Variants in INHBC observed in about 807,000 individuals in gnomAD.
INHBC encodes the protein inhibin beta C chain.
Under a neutral mutation model 12.4 loss-of-function variants are expected in INHBC, and 10 were observed. That is an observed-to-expected ratio of 0.81 (90% CI 0.50 to 1.37). The LOEUF is 1.37. Ranked by LOEUF, INHBC falls within the 40% of genes most tolerant of loss-of-function variation. The pLI is 0.00. For synonymous variants in INHBC, 147 were observed against 171.6 expected (o/e 0.86, Z 1.12); for missense variants, 382 against 439.4 (o/e 0.87, Z 1.17).
chr12:57,436,027 A>G (rs926116160), intron 1 of INHBC, among the ~76,000 whole-genome samples: 2 of 152,034 alleles, frequency 1.3e-5, no homozygotes, highest in African/African-American at 4.8e-5. Flanking sequence ...TTGTATTTTT[A>G]GTAGAGACTG....
chr12:57,449,314 C>G lies in INHBC; in HGVS notation c.351C>G (p.His117Gln). Residue 117 changes from histidine to glutamine, a missense_variant, in exon 2 of 2, where the codon CAC (histidine) becomes CAG (glutamine). Coordinates refer to ENST00000309668, the MANE Select transcript of INHBC (RefSeq NM_005538.4). ...TCAACCAGACTCGTCTTGATTTTCA[C>G]TTCTCCTCTGATAGAACTGCTGGTG... is the stretch of plus-strand genomic sequence containing the variant. ...STINQTRLDFHFSSDRTAGDR... is the reference protein window; with the variant it reads ...STINQTRLDFQFSSDRTAGDR... 6.2e-7 allele frequency: 1 copy of G among 1,614,154 alleles called. No homozygotes were observed. The highest frequency in any genetic ancestry group is 8.5e-7 in the Non-Finnish European group (1 of 1,179,986).
intron 1 of INHBC, among the ~76,000 whole-genome samples, chr12:57,447,525 C>T (rs1870604653): frequency 6.6e-6 from 1 of 151,026 alleles, no homozygotes; most frequent in Non-Finnish European, 1.5e-5. Flanking sequence ...AGTGGCACCA[C>T]CAAGAATGAA....
intron 1 of INHBC, among the ~76,000 whole-genome samples, chr12:57,442,196 G>A (rs1041129612): frequency 2.0e-5 from 3 of 152,212 alleles, no homozygotes; most frequent in Admixed American, 1.3e-4. Flanking sequence ...TGGCTTCCAA[G>A]AGTGGAATGC....
intron 1 of INHBC, among the ~76,000 whole-genome samples, chr12:57,439,068 A>C (rs1301098818): frequency 6.6e-6 from 1 of 152,192 alleles, no homozygotes; most frequent in Non-Finnish European, 1.5e-5. Flanking sequence ...GTCTTATAGA[A>C]ATTGACAAAG....
intron 1 of INHBC, among the ~76,000 whole-genome samples, chr12:57,446,587 A>G (rs533939434): frequency 6.6e-4 from 101 of 151,916 alleles, no homozygotes; most frequent in African/African-American, 2.4e-3. Context: ...TTGATCTCCC[A>G]GGGTCAAGCA....
At chr12:57,440,362 C>G (rs1870438294) in intron 1 of INHBC, among the ~76,000 whole-genome samples, 1 of 112,338 alleles carries the variant, frequency 8.9e-6, no homozygotes, top group African/African-American at 3.4e-5. Context: ...GAGACGGAGT[C>G]TTGCTATGTC....
Position 57,450,917 on chromosome 12 carries a change from C to T in INHBC, c.*895C>T, listed in dbSNP as rs1404753529. 1 of 152,248 alleles carries T rather than the reference C, an allele frequency of 6.6e-6. No individual in the cohort carries two copies. Among genetic ancestry groups the T allele is most frequent in the East Asian group, 1.9e-4 (1 of 5,206 alleles). The allele number at this position is 152,248 out of a possible 1,614,324, so 9.4% of individuals were successfully genotyped here. ...TCTCATACTGGTTCCCTTAACTCTG[C>T]CTATACCTCTGTAAATAATTCCTTC... is the stretch of plus-strand genomic sequence containing the variant. On this transcript the variant is annotated 3_prime_UTR_variant, in exon 2 of 2. Coordinates refer to ENST00000309668, the MANE Select transcript of INHBC (RefSeq NM_005538.4).
In INHBC at chr12:57,450,004, G is replaced by T; in HGVS notation, c.1041G>T (p.Glu347Asp). 1 of 1,521,614 alleles carries T rather than the reference G, an allele frequency of 6.6e-7. No homozygotes were observed. 94.3% of individuals were successfully genotyped at this position (1,521,614 alleles called of 1,614,324 possible). ...CTGACATACCTGACATGGTAGTAGA[G>T]GCCTGTGGGTGCAGTTAGTCTATGT... ...VKTDIPDMVV[E>D]ACGCS Residue 347 changes from glutamate to aspartate, a missense_variant, in exon 2 of 2, where the codon GAG (glutamate) becomes GAT (aspartate). Transcript: ENST00000309668.
In INHBC at chr12:57,450,154, G is replaced by A. The variant is rs748483434; in HGVS notation, c.*132G>A. On this transcript the variant is annotated 3_prime_UTR_variant, in exon 2 of 2. Coordinates refer to ENST00000309668, the MANE Select transcript of INHBC (RefSeq NM_005538.4). ...ACTCCCTCTTCCTGAGCATCTTATG[G>A]AAATTACCCCACCTTTGACTTGAAG... The A allele has an allele frequency of 9.1e-6, 9 of 986,446 alleles. No individual in the cohort carries two copies. The African/African-American group carries it at 9.8e-5, about 11-fold the overall frequency. The allele number at this position is 986,446 out of a possible 1,614,324, so 61.1% of individuals were successfully genotyped here.
intron 1 of INHBC, among the ~76,000 whole-genome samples, chr12:57,445,258 T>G (rs1870549283): frequency 1.3e-5 from 2 of 152,232 alleles, no homozygotes; most frequent in Non-Finnish European, 2.9e-5. Flanking sequence ...GGGAAGACTT[T>G]GAAGTGTTTT....
intron 1 of INHBC, 66 bp downstream of exon 1, chr12:57,435,265 C>T: frequency 7.1e-7 from 1 of 1,418,354 alleles, no homozygotes; most frequent in Middle Eastern, 1.8e-4. Context: ...AGTTTCCTCG[C>T]CAGACTTACC....
At chr12:57,445,243 G>A (rs1870549037) in intron 1 of INHBC, among the ~76,000 whole-genome samples, 1 of 152,216 alleles carries the variant, frequency 6.6e-6, no homozygotes, top group Non-Finnish European at 1.5e-5. Flanking sequence ...TATCCAAAGA[G>A]CAAGGGGAAG....
Position 57,449,678 on chromosome 12 carries a change from G to T in INHBC, c.715G>T (p.Asp239Tyr). The T allele has an allele frequency of 3.1e-6, 5 of 1,614,226 alleles. No individual in the cohort carries two copies. The highest frequency in any genetic ancestry group is 4.2e-6 in the Non-Finnish European group (5 of 1,180,042). Residue 239 changes from aspartate to tyrosine, a missense_variant, in exon 2 of 2, where the codon GAC (aspartate) becomes TAC (tyrosine). Asp to Tyr is a radical substitution (Grantham distance 160). Transcript: ENST00000309668. ...GKHQIHRRGI[D>Y]CQGGSRMCCR... ...ACACCAGATTCACCGACGAGGCATCGACTGCCAAGGAGGGTCCAGGATGTG... is the reference window on the plus strand; with the variant it reads ...ACACCAGATTCACCGACGAGGCATCTACTGCCAAGGAGGGTCCAGGATGTG...
chr12:57,445,921 G>GT (rs1361166832), intron 1 of INHBC, among the ~76,000 whole-genome samples: 4 of 150,600 alleles, frequency 2.7e-5, no homozygotes, highest in Non-Finnish European at 5.9e-5. Context: ...ATTTTTGGTG[G>GT]TTTTTTTGTT....
chr12:57,441,398 G>A (rs1314565509), intron 1 of INHBC, among the ~76,000 whole-genome samples: 5 of 141,350 alleles, frequency 3.5e-5, no homozygotes, highest in East Asian at 4.3e-4. Flanking sequence ...GGTGGTACAT[G>A]CCTGTAATCC....
intron 1 of INHBC, among the ~76,000 whole-genome samples, chr12:57,436,176 T>C (rs1870332913): frequency 6.7e-6 from 1 of 148,244 alleles, no homozygotes; most frequent in Admixed American, 6.8e-5. Flanking sequence ...ACTTTTTTTT[T>C]TTTTTTTTGA....
intron 1 of INHBC, among the ~76,000 whole-genome samples, chr12:57,447,503 G>A (rs1333878589): frequency 6.6e-6 from 1 of 151,556 alleles, no homozygotes; most frequent in East Asian, 1.9e-4. Context: ...AGTTTTTACA[G>A]GTGATGAGGG....
At chr12:57,441,046 C>T (rs1237782406) in intron 1 of INHBC, among the ~76,000 whole-genome samples, 1 of 150,900 alleles carries the variant, frequency 6.6e-6, no homozygotes, top group Non-Finnish European at 1.5e-5. Flanking sequence ...TTCTTTAAAA[C>T]AAACAAACAA....
intron 1 of INHBC, among the ~76,000 whole-genome samples, chr12:57,440,486 C>G (rs1870440830): frequency 6.6e-6 from 1 of 152,008 alleles, no homozygotes; most frequent in Non-Finnish European, 1.5e-5. Flanking sequence ...GTGCACACCA[C>G]CACACCCAGC....
Sources: allele counts gnomAD v4.1 joint callset (sites outside exome capture counted in the v4.1 genomes callset), GRCh38; gene constraint gnomAD v4.1.1; transcripts MANE v1.5; gene names NCBI Gene and HGNC (gene_info 2026-07-23, HGNC 2026-07-21).